MKS1: variants seen among roughly 807,000 people sequenced by gnomAD.
The protein encoded by MKS1 is MKS transition zone complex subunit 1.
MKS1 carries 70 observed loss-of-function variants against 83.7 expected under a neutral mutation model. The observed-to-expected ratio is 0.84, with a 90% CI of 0.69 to 1.02. The LOEUF is 1.02. MKS1 is among the 50% of genes least tolerant of loss of function. The pLI is 0.00. For synonymous variants in MKS1, 251 were observed against 273.4 expected, an observed-to-expected ratio of 0.92 and a Z score of 0.81; for missense variants, 681 against 726.9, an observed-to-expected ratio of 0.94 and a Z score of 0.73.
chr17:58,205,451 AG>A lies in MKS1; in HGVS notation c.*627del, dbSNP rs1325453739. ...CCAACAGAACATCAGTCAAAATAAA[AG>A]GGGTTTATGTAACAAAAAACAAAAA... is the stretch of plus-strand genomic sequence containing the variant. On this transcript the variant is annotated 3_prime_UTR_variant, in exon 18 of 18. Transcript: ENST00000393119. The A allele has an allele frequency of 8.2e-7, 1 of 1,216,440 alleles. No individual in the cohort carries two copies. The highest frequency in any genetic ancestry group is 3.3e-5 in the Admixed American group (1 of 30,088). 75.4% of individuals were successfully genotyped at this position (1,216,440 alleles called of 1,614,324 possible).
intron 3 of MKS1, 152 bp from the exon 4 acceptor site, chr17:58,216,395 C>G: frequency 1.0e-6 from 1 of 955,614 alleles, no homozygotes; most frequent in Non-Finnish European, 1.6e-6. Flanking sequence ...GGCAGGGGAA[C>G]CAAGAACATT....
At position 58,205,448 on chromosome 17, in the gene MKS1, A is replaced by G. The variant is rs1968444864; in HGVS notation, c.*631T>C. The G allele has an allele frequency of 8.2e-7, 1 of 1,214,268 alleles. No individual in the cohort carries two copies. Among genetic ancestry groups the G allele is most frequent in the African/African-American group, 1.6e-5 (1 of 62,672 alleles). The allele number at this position is 1,214,268 out of a possible 1,614,324, so 75.2% of individuals were successfully genotyped here. A position where few individuals can be genotyped will look rare whatever the true frequency, so the allele number is the denominator to read the frequency against. On this transcript the variant is annotated 3_prime_UTR_variant, in exon 18 of 18. Transcript: ENST00000393119. ...CAGCCAACAGAACATCAGTCAAAAT[A>G]AAAGGGGTTTATGTAACAAAAAACA... is the stretch of plus-strand genomic sequence containing the variant.
At chr17:58,216,847 C>T in intron 2 of MKS1, 111 bp from the exon 3 acceptor site, 2 of 1,136,226 alleles carry the variant, frequency 1.8e-6, no homozygotes, top group Non-Finnish European at 2.6e-6. Flanking sequence ...CAAAAACTAG[C>T]TGGAATTCAG....
chr17:58,210,042 G>GT (rs1196300411), intron 11 of MKS1, among the ~76,000 whole-genome samples: 2 of 152,194 alleles, frequency 1.3e-5, no homozygotes, highest in Non-Finnish European at 2.9e-5. Flanking sequence ...TGTTCCCTAG[G>GT]TTTTTGGCAT....
rs2143795530 is a variant in MKS1 at position 58,213,097 on chromosome 17, G to A, written c.750-7C>T. On this transcript the variant is annotated splice_region_variant and splice_polypyrimidine_tract_variant and intron_variant, in intron 7 of 17. Coordinates refer to ENST00000393119, the MANE Select transcript of MKS1 (RefSeq NM_017777.4). ...CTCCCCCTCCGTCTCAATCCTGTAAGGTCAAAACCACAGAAAGGAGCAACT... is the reference window on the plus strand; with the variant it reads ...CTCCCCCTCCGTCTCAATCCTGTAAAGTCAAAACCACAGAAAGGAGCAACT... The A allele has an allele frequency of 6.2e-7, 1 of 1,613,638 alleles. No homozygotes were observed. Among genetic ancestry groups the A allele is most frequent in the Admixed American group, 1.7e-5 (1 of 60,008 alleles).
chr17:58,206,548 CT>C lies in MKS1; in HGVS notation c.1408-2del. ...GTCCAAAGCGGCTCAGGCGTTCCCC[CT>C]GTGGCATGCCATTGGGACAGCCTCA... On this transcript the variant is annotated splice_acceptor_variant, in intron 15 of 17. Transcript: ENST00000393119. LOFTEE classifies it high-confidence loss of function. The C allele has an allele frequency of 1.9e-6, 3 of 1,611,984 alleles. No individual in the cohort carries two copies. The highest frequency in any genetic ancestry group is 2.5e-6 in the Non-Finnish European group (3 of 1,179,962).
At chr17:58,214,986 G>A (rs1014997692) in intron 4 of MKS1, 148 bp from the exon 5 acceptor site, 5 of 1,291,398 alleles carry the variant, frequency 3.9e-6, no homozygotes, top group East Asian at 2.7e-5. Context: ...CTAACGGAGG[G>A]AGCAGTAGCC....
rs1033778267 is a variant in MKS1, at chr17:58,205,640, G to T, written c.*439C>A. 9 of 1,307,246 alleles carry T rather than the reference G, an allele frequency of 6.9e-6. No individual in the cohort carries two copies. The East Asian group carries it at 2.2e-4, about 32-fold the overall frequency. The allele number at this position is 1,307,246 out of a possible 1,614,324, so 81.0% of individuals were successfully genotyped here. On this transcript the variant is annotated 3_prime_UTR_variant, in exon 18 of 18. Transcript: ENST00000393119. The stretch of plus-strand genomic sequence containing the variant: ...CCTGGAAAGAGGCTGAGACTCACAG[G>T]CTGGGGATTTAAGACCCTCTCACCG...
At position 58,205,495 on chromosome 17, in the gene MKS1, A is replaced by T; in HGVS notation, c.*584T>A. The T allele has an allele frequency of 6.4e-6, 8 of 1,258,972 alleles. No individual in the cohort carries two copies. Among genetic ancestry groups the T allele is most frequent in the Non-Finnish European group, 8.2e-6 (8 of 972,308 alleles). The allele number at this position is 1,258,972 out of a possible 1,614,324, so 78.0% of individuals were successfully genotyped here. A position where few individuals can be genotyped will look rare whatever the true frequency, so the allele number is the denominator to read the frequency against. On this transcript the variant is annotated 3_prime_UTR_variant, in exon 18 of 18. Coordinates refer to ENST00000393119, the MANE Select transcript of MKS1 (RefSeq NM_017777.4). Reference sequence around the variant, plus strand: ...AACAAAAAAACAAACAAACAAAAAAACACAGTAAAAGATACCACCCAGCTA... The same window carrying T: ...AACAAAAAAACAAACAAACAAAAAATCACAGTAAAAGATACCACCCAGCTA...
chr17:58,216,013 C>T (rs1969176794), intron 4 of MKS1, 75 bp downstream of exon 4: 1 of 1,542,104 alleles, frequency 6.5e-7, no homozygotes, highest in Non-Finnish European at 8.9e-7. Flanking sequence ...TCTGACATAA[C>T]ACACAGAACT....
At position 58,209,424 on chromosome 17, in the gene MKS1, C is replaced by T. The variant is rs187480656; in HGVS notation, c.1025-841G>A. On this transcript the variant is annotated intron_variant, in intron 11 of 17. Coordinates refer to ENST00000393119, the MANE Select transcript of MKS1 (RefSeq NM_017777.4). This position sits in a 1 kb window ranked among gnomAD's most constrained non-coding sequence, Gnocchi z 4.1. Reference sequence around the variant, plus strand: ...GCAGGGAGACAGACAAAAACCAAACCAACAAGAGACTATTGGGTAGTGATG... The same window carrying T: ...GCAGGGAGACAGACAAAAACCAAACTAACAAGAGACTATTGGGTAGTGATG... Among the ~76,000 whole-genome samples, 18 of 152,208 alleles carry T rather than the reference C, an allele frequency of 1.2e-4. No individual in the cohort carries two copies. The East Asian group carries it at 3.5e-3, about 29-fold the overall frequency.
chr17:58,216,529 C>T, intron 3 of MKS1, 137 bp downstream of exon 3: 1 of 1,033,386 alleles, frequency 9.7e-7, no homozygotes, highest in South Asian at 1.4e-5. Flanking sequence ...CCCTATGTTA[C>T]AATGCCCTTT....
At chr17:58,218,554 T>A in intron 2 of MKS1, 66 bp downstream of exon 2, 1 of 1,187,804 alleles carries the variant, frequency 8.4e-7, no homozygotes, top group Non-Finnish European at 1.2e-6. Flanking sequence ...TCTCACTACA[T>A]TTGGCCACAA....
chr17:58,211,652 T>C (rs1261826473), intron 9 of MKS1, among the ~76,000 whole-genome samples: 2 of 152,244 alleles, frequency 1.3e-5, no homozygotes, highest in African/African-American at 4.8e-5. Context: ...AAACTCAAAC[T>C]TCTAGGCTCA....
At chr17:58,213,185 A>T (rs905437606) in intron 7 of MKS1, 95 bp from the exon 8 acceptor site, 10 of 1,160,854 alleles carry the variant, frequency 8.6e-6, no homozygotes, top group African/African-American at 1.5e-5. Flanking sequence ...CAGGGGCCAT[A>T]CACCTCACTA....
chr17:58,210,677 C>T lies in MKS1; in HGVS notation c.1006G>A (p.Val336Ile). Reference sequence around the variant, plus strand: ...TACTTACGAGCAGTTGGCAATTCTACAAAGAAGTGGACGTAGAGATTGTCA... The same window carrying T: ...TACTTACGAGCAGTTGGCAATTCTATAAAGAAGTGGACGTAGAGATTGTCA... Reference protein sequence around the residue: ...EYDNLYVHFFVELPTAHWSSP... With the variant: ...EYDNLYVHFFIELPTAHWSSP... The change falls in exon 11 of 18, where the codon GTA becomes ATA. Residue 336 changes from valine (V) to isoleucine (I), a missense_variant. By Grantham distance (29) the Val-to-Ile change is conservative. Transcript: ENST00000393119. 6.2e-7 allele frequency: 1 copy of T among 1,613,966 alleles called. No individual in the cohort carries two copies. The highest frequency in any genetic ancestry group is 1.1e-5 in the South Asian group (1 of 91,082).
chr17:58,214,798 G>T lies in MKS1; in HGVS notation c.458C>A (p.Ser153Ter), dbSNP rs903778224. ...RMTTAASEVP[S>*]FLVERMANVR... ...ATTTGCCATTCGCTCGACCAAGAATGAAGGCACCTCGCTGGCTGCAGTGGT... is the reference window on the plus strand; with the variant it reads ...ATTTGCCATTCGCTCGACCAAGAATTAAGGCACCTCGCTGGCTGCAGTGGT... The change falls in exon 5 of 18, where the codon TCA becomes TAA. Residue 153 changes from serine to a stop codon, truncating the protein, a stop_gained. Transcript: ENST00000393119. LOFTEE classifies it high-confidence loss of function. 2 of 1,606,548 alleles carry T rather than the reference G, an allele frequency of 1.2e-6. No individual in the cohort carries two copies. The highest frequency in any genetic ancestry group is 1.7e-6 in the Non-Finnish European group (2 of 1,179,762).
chr17:58,217,203 G>A (rs1401390339), intron 2 of MKS1, among the ~76,000 whole-genome samples: 1 of 152,248 alleles, frequency 6.6e-6, no homozygotes, highest in Non-Finnish European at 1.5e-5. Context: ...TAGCCAGGCT[G>A]ATCTTGAATT....
Position 58,216,139 on chromosome 17 carries a change from G to A in MKS1, c.366C>T (p.Asn122=), listed in dbSNP as rs1969191322. ...LKLENSGGKK[N]RRIFTYTDSD... ...AGTCAGTGTAGGTAAAGATTCGTCG[G>A]TTTTTCTTGCCACCCGAATTCTCCA... Residue 122 remains asparagine (N), a synonymous_variant, in exon 4 of 18, where the codon AAC becomes AAT. Coordinates refer to ENST00000393119, the MANE Select transcript of MKS1 (RefSeq NM_017777.4). 1 of 1,614,160 alleles carries A rather than the reference G, an allele frequency of 6.2e-7. No individual in the cohort carries two copies. Among genetic ancestry groups the A allele is most frequent in the Non-Finnish European group, 8.5e-7 (1 of 1,180,026 alleles).
Sources: allele counts gnomAD v4.1 joint callset (sites outside exome capture counted in the v4.1 genomes callset), GRCh38; gene constraint gnomAD v4.1.1; non-coding constraint Gnocchi (gnomAD v3.1); transcripts MANE v1.5; gene names NCBI Gene and HGNC (gene_info 2026-07-23, HGNC 2026-07-21).